PLCH1: variants seen among roughly 807,000 people sequenced by gnomAD.
PLCH1 encodes the protein phospholipase C eta 1, also known as 1-phosphatidylinositol 4,5-bisphosphate phosphodiesterase eta-1.
PLCH1 carries 60 observed loss-of-function variants against 126.7 expected under a neutral mutation model. The observed-to-expected ratio is 0.47, with a 90% CI of 0.38 to 0.59. PLCH1 has a LOEUF of 0.59. Among genes scored for constraint, PLCH1 ranks in the 20% least tolerant of loss-of-function variants. The pLI is 0.00. For synonymous variants in PLCH1, 719 were observed against 734.9 expected (o/e 0.98, Z 0.35); for missense variants, 1,723 against 2,040.0 (o/e 0.84, Z 2.99).
chr3:155,539,808 T>C (rs1464700595), intron 10 of PLCH1, among the ~76,000 whole-genome samples: 1 of 152,064 alleles, frequency 6.6e-6, no homozygotes, highest in Admixed American at 6.6e-5. Context: ...AAAATAACCA[T>C]ACTGCCAAAA....
In PLCH1 at chr3:155,720,409, G is replaced by T. The variant is rs536234762; in HGVS notation, c.-40-16145C>A. On this transcript the variant is annotated intron_variant, in intron 1 of 22. Transcript: ENST00000460012. ...ATTTTTTTATTTTTTTATTATTGCT[G>T]TTCTTGCAGGAGTAAGGTGGTATTG... Among the ~76,000 whole-genome samples, 10 of 152,012 alleles carry T rather than the reference G, an allele frequency of 6.6e-5. No homozygotes were observed. In the East Asian group the frequency reaches 1.9e-3, roughly 29 times the overall value.
intron 10 of PLCH1, among the ~76,000 whole-genome samples, chr3:155,528,345 C>T (rs1722242509): frequency 6.6e-6 from 1 of 151,816 alleles, no homozygotes; most frequent in Non-Finnish European, 1.5e-5. Context: ...ATATAGAAAG[C>T]TCCTAAAAAT....
chr3:155,604,610 C>G (rs905723204), intron 2 of PLCH1, among the ~76,000 whole-genome samples: 1 of 151,988 alleles, frequency 6.6e-6, no homozygotes, highest in African/African-American at 2.4e-5. Context: ...TGTATTAAAC[C>G]CTTCCACATA....
At chr3:155,662,123 A>G (rs1003038698) in intron 2 of PLCH1, among the ~76,000 whole-genome samples, 4 of 152,152 alleles carry the variant, frequency 2.6e-5, no homozygotes, top group African/African-American at 9.7e-5. Context: ...TGATGAGGAC[A>G]CTCACTAGAA....
intron 1 of PLCH1, among the ~76,000 whole-genome samples, chr3:155,710,567 C>T (rs73156586): frequency 0.25 from 37,232 of 151,946 alleles, 4,979 homozygotes; most frequent in African/African-American, 0.36. Flanking sequence ...GTGCGGTGGC[C>T]CATGCCTGTA....
At chr3:155,619,879 T>C (rs1560257887) in intron 2 of PLCH1, among the ~76,000 whole-genome samples, 2 of 152,018 alleles carry the variant, frequency 1.3e-5, no homozygotes, top group Non-Finnish European at 2.9e-5. Flanking sequence ...TAAACAAAAA[T>C]AGAACTCTGT....
intron 12 of PLCH1, among the ~76,000 whole-genome samples, chr3:155,505,234 A>G (rs889820637): frequency 6.6e-6 from 1 of 152,184 alleles, no homozygotes. Context: ...GAGCACTGGA[A>G]AGAGGTATTG....
intron 1 of PLCH1, among the ~76,000 whole-genome samples, chr3:155,723,287 C>T (rs1055253950): frequency 6.6e-6 from 1 of 152,102 alleles, no homozygotes; most frequent in Admixed American, 6.6e-5. Context: ...TCTAATTGAG[C>T]TTATTTGAAT....
intron 2 of PLCH1, among the ~76,000 whole-genome samples, chr3:155,651,724 T>G (rs141178172): frequency 5.9e-5 from 9 of 152,346 alleles, no homozygotes; most frequent in African/African-American, 2.2e-4. Flanking sequence ...TGAAGTTACT[T>G]ACCACCACCT....
chr3:155,660,068 T>C (rs1267944500), intron 2 of PLCH1, among the ~76,000 whole-genome samples: 1 of 152,214 alleles, frequency 6.6e-6, no homozygotes, highest in African/African-American at 2.4e-5. Flanking sequence ...CCTATATTCA[T>C]GAGTGGGGGA....
At chr3:155,623,824 A>C (rs1382003588) in intron 2 of PLCH1, among the ~76,000 whole-genome samples, 1 of 152,168 alleles carries the variant, frequency 6.6e-6, no homozygotes, top group Non-Finnish European at 1.5e-5. Context: ...CAGAGGTACA[A>C]AGAGGAGCTG....
At chr3:155,531,487 T>C (rs2108334072) in intron 10 of PLCH1, among the ~76,000 whole-genome samples, 1 of 152,224 alleles carries the variant, frequency 6.6e-6, no homozygotes, top group Non-Finnish European at 1.5e-5. Flanking sequence ...TAGCTGGGCG[T>C]GGTGGCACGT....
intron 1 of PLCH1, among the ~76,000 whole-genome samples, chr3:155,729,052 C>T (rs1559967878): frequency 6.6e-6 from 1 of 152,204 alleles, no homozygotes; most frequent in South Asian, 2.1e-4. Context: ...GATTTCCACA[C>T]TTTTTAAATA....
At chr3:155,564,404 A>G (rs1337607084) in intron 8 of PLCH1, among the ~76,000 whole-genome samples, 1 of 152,092 alleles carries the variant, frequency 6.6e-6, no homozygotes, top group African/African-American at 2.4e-5. Flanking sequence ...TCTACTAAAA[A>G]TACAAAAAAA....
At chr3:155,538,215 C>G (rs1484480268) in intron 10 of PLCH1, among the ~76,000 whole-genome samples, 1 of 152,094 alleles carries the variant, frequency 6.6e-6, no homozygotes, top group Admixed American at 6.5e-5. Flanking sequence ...AATAGTGACA[C>G]AACCTTTCAA....
intron 8 of PLCH1, among the ~76,000 whole-genome samples, chr3:155,561,172 T>G (rs146598975): frequency 0.055 from 8,416 of 151,822 alleles, 464 homozygotes; most frequent in African/African-American, 0.14. Flanking sequence ...AGGGTACATG[T>G]GCACATTGTG....
At chr3:155,658,982 A>C (rs1741773118) in intron 2 of PLCH1, among the ~76,000 whole-genome samples, 1 of 152,244 alleles carries the variant, frequency 6.6e-6, no homozygotes, top group Admixed American at 6.5e-5. Flanking sequence ...ACTGGTTGAC[A>C]TGAGTGAAAT....
intron 8 of PLCH1, among the ~76,000 whole-genome samples, chr3:155,562,579 C>G (rs570280444): frequency 6.6e-6 from 1 of 152,184 alleles, no homozygotes; most frequent in Non-Finnish European, 1.5e-5. Context: ...CAAAGGGAGT[C>G]TAAGCATCCA....
chr3:155,680,890 G>A (rs1744465325), intron 2 of PLCH1, among the ~76,000 whole-genome samples: 1 of 152,076 alleles, frequency 6.6e-6, no homozygotes, highest in Admixed American at 6.6e-5. Flanking sequence ...CATTAACGAT[G>A]TCTGTAAGAC....
Sources: gnomAD v4.1 joint callset for allele counts (sites outside exome capture counted in the v4.1 genomes callset) on GRCh38, gnomAD v4.1.1 for gene constraint, MANE v1.5 for transcripts, NCBI Gene and HGNC (gene_info 2026-07-23, HGNC 2026-07-21) for gene names.